PPP2R5E: variants seen among roughly 807,000 people sequenced by gnomAD.
PPP2R5E encodes protein phosphatase 2 regulatory subunit B'epsilon, also known as serine/threonine-protein phosphatase 2A 56 kDa regulatory subunit epsilon isoform.
In PPP2R5E, 4 loss-of-function variants were observed where a neutral mutation model predicts 65.3. The observed-to-expected ratio is 0.06, with a 90% CI of 0.03 to 0.14. PPP2R5E has a LOEUF of 0.14. Among genes scored for constraint, PPP2R5E ranks in the 10% least tolerant of loss-of-function variants. PPP2R5E has a pLI of 1.00. For missense variants in PPP2R5E, 274 were observed against 556.1 expected (o/e 0.49, Z 5.10); for synonymous variants, 183 against 187.4 (o/e 0.98, Z 0.19).
At chr14:63,498,660 G>C (rs911470191) in intron 2 of PPP2R5E, among the ~76,000 whole-genome samples, 2 of 151,944 alleles carry the variant, frequency 1.3e-5, no homozygotes, top group African/African-American at 2.4e-5. Context: ...CCAAGCTCAA[G>C]TAATCCTCCC....
chr14:63,509,376 C>T (rs1369290844), intron 2 of PPP2R5E, among the ~76,000 whole-genome samples: 3 of 147,448 alleles, frequency 2.0e-5, no homozygotes, highest in Non-Finnish European at 3.0e-5. Context: ...CAGGTTCAAG[C>T]GATTCTCGTG....
intron 2 of PPP2R5E, among the ~76,000 whole-genome samples, chr14:63,470,601 CT>C (rs142665113): frequency 0.029 from 4,428 of 151,894 alleles, 192 homozygotes; most frequent in African/African-American, 0.097. Context: ...AACAAAATGG[CT>C]TCATCCAATT....
At chr14:63,507,469 T>C (rs1015204424) in intron 2 of PPP2R5E, among the ~76,000 whole-genome samples, 14 of 151,812 alleles carry the variant, frequency 9.2e-5, no homozygotes, top group East Asian at 1.9e-4. Context: ...AATACCAGCG[T>C]TTAGAACGAA....
chr14:63,524,339 G>A (rs1893093255), intron 2 of PPP2R5E, among the ~76,000 whole-genome samples: 1 of 152,148 alleles, frequency 6.6e-6, no homozygotes, highest in South Asian at 2.1e-4. Context: ...AAGATAAATG[G>A]CAAACAGAGA....
chr14:63,534,713 G>A lies in PPP2R5E; in HGVS notation c.157+4816C>T, dbSNP rs912930503. On this transcript the variant is annotated intron_variant, in intron 2 of 13. Transcript: ENST00000337537. ...CAGCTCACTGCAGCCTCAGCCTCCT[G>A]GGCTCGGGCAATCCTTCTGCCTCAG... Among the ~76,000 whole-genome samples, 7 of 152,262 alleles carry A rather than the reference G, an allele frequency of 4.6e-5. No homozygotes were observed. The East Asian group carries it at 1.3e-3, about 29-fold the overall frequency.
At chr14:63,418,187 A>T (rs1886806030) in intron 4 of PPP2R5E, among the ~76,000 whole-genome samples, 1 of 152,146 alleles carries the variant, frequency 6.6e-6, no homozygotes, top group Non-Finnish European at 1.5e-5. Flanking sequence ...TAATACACTC[A>T]TCTGTCAACT....
chr14:63,510,637 G>A (rs947826960), intron 2 of PPP2R5E, among the ~76,000 whole-genome samples: 1 of 152,244 alleles, frequency 6.6e-6, no homozygotes, highest in African/African-American at 2.4e-5. Flanking sequence ...AAGCCCTACG[G>A]CCTGTTAGTG....
At chr14:63,516,198 G>A (rs115171600) in intron 2 of PPP2R5E, among the ~76,000 whole-genome samples, 1 of 152,062 alleles carries the variant, frequency 6.6e-6, no homozygotes, top group South Asian at 2.1e-4. Context: ...TTCCACAAGG[G>A]TGAATACATT....
At chr14:63,418,428 A>G (rs770230766) in intron 4 of PPP2R5E, among the ~76,000 whole-genome samples, 1 of 152,260 alleles carries the variant, frequency 6.6e-6, no homozygotes, top group African/African-American at 2.4e-5. Flanking sequence ...ATTAATAAGC[A>G]TAAGTGTTCT....
At chr14:63,452,668 T>A (rs1336588663) in intron 3 of PPP2R5E, 1 of 152,236 alleles carries the variant, frequency 6.6e-6, no homozygotes, top group Non-Finnish European at 1.5e-5. Flanking sequence ...TTGGGCATCG[T>A]TTTCAGATGA....
At chr14:63,379,585 TAAGA>T (rs138509786) in intron 13 of PPP2R5E, among the ~76,000 whole-genome samples, 1,891 of 152,184 alleles carry the variant, frequency 0.012, 57 homozygotes, top group East Asian at 0.11. Flanking sequence ...ATTTTCTCAT[TAAGA>T]AAGTACACTC....
chr14:63,404,699 GAAC>G (rs1349749052), intron 5 of PPP2R5E, among the ~76,000 whole-genome samples: 11 of 152,272 alleles, frequency 7.2e-5, no homozygotes, highest in African/African-American at 2.6e-4. Context: ...GTACAAATAT[GAAC>G]AACTCCACCA....
Position 63,534,481 on chromosome 14 carries a change from C to T in PPP2R5E, c.157+5048G>A, listed in dbSNP as rs112816922. 5.7e-3 allele frequency among the ~76,000 whole-genome samples: 864 copies of T among 152,212 alleles called. 5 individuals carry two copies. The highest frequency in any genetic ancestry group is 7.0e-3 in the Non-Finnish European group (475 of 68,016). On this transcript the variant is annotated intron_variant, in intron 2 of 13. Transcript: ENST00000337537. Reference sequence around the variant, plus strand: ...GTTTTACCCTGTTGGCCAGGCTGGTCTCAAACTCTTGACCTCAAATGACCC... The same window carrying T: ...GTTTTACCCTGTTGGCCAGGCTGGTTTCAAACTCTTGACCTCAAATGACCC...
At chr14:63,429,825 G>C (rs1368100997) in intron 3 of PPP2R5E, among the ~76,000 whole-genome samples, 1 of 151,928 alleles carries the variant, frequency 6.6e-6, no homozygotes, top group Non-Finnish European at 1.5e-5. Context: ...CTGGATTAGA[G>C]GTACCCGCCA....
At chr14:63,394,322 T>C (rs1326536123) in intron 7 of PPP2R5E, among the ~76,000 whole-genome samples, 1 of 152,132 alleles carries the variant, frequency 6.6e-6, no homozygotes, top group Non-Finnish European at 1.5e-5. Flanking sequence ...TAACTGCAAA[T>C]GATCTGCCCA....
rs367617794 is a variant in PPP2R5E at position 63,490,983 on chromosome 14, A to G, written c.158-37098T>C. 2.4e-4 allele frequency among the ~76,000 whole-genome samples: 36 copies of G among 152,192 alleles called. 1 individual carries two copies. The highest frequency in any genetic ancestry group is 7.9e-4 in the African/African-American group (33 of 41,540). ...TCACAATAGGAAAGATATGGAATCA[A>G]CCTTCAACAGTGGACTGGATAAAAA... On this transcript the variant is annotated intron_variant, in intron 2 of 13. Transcript: ENST00000337537.
At chr14:63,384,408 G>C (rs1299083601) in intron 12 of PPP2R5E, 36 bp downstream of exon 12, 2 of 1,591,496 alleles carry the variant, frequency 1.3e-6, no homozygotes, top group Admixed American at 3.3e-5. Context: ...GAGAGGAAGG[G>C]AGGAAGAGAA....
At chr14:63,432,108 G>A (rs1887707556) in intron 3 of PPP2R5E, among the ~76,000 whole-genome samples, 1 of 150,004 alleles carries the variant, frequency 6.7e-6, no homozygotes, top group Admixed American at 6.7e-5. Context: ...ATATTCAAAA[G>A]GCAGTATTAA....
intron 2 of PPP2R5E, among the ~76,000 whole-genome samples, chr14:63,481,892 A>G (rs964477404): frequency 6.6e-6 from 1 of 152,244 alleles, no homozygotes; most frequent in African/African-American, 2.4e-5. Flanking sequence ...TGGAGTGAGT[A>G]CAATGGAAAT....
Sources: allele counts gnomAD v4.1 joint callset (sites outside exome capture counted in the v4.1 genomes callset), GRCh38; gene constraint gnomAD v4.1.1; transcripts MANE v1.5; gene names NCBI Gene and HGNC (gene_info 2026-07-23, HGNC 2026-07-21).